Variants in RYR2 observed in about 807,000 individuals in gnomAD.
RYR2 encodes cardiac muscle ryanodine receptor-calcium release channel.
In RYR2, 227 loss-of-function variants were observed where a neutral mutation model predicts 601.1. The observed-to-expected ratio is 0.38, with a 90% CI of 0.34 to 0.42. The LOEUF is 0.42. Among genes scored for constraint, RYR2 ranks in the 10% least tolerant of loss-of-function variants. The pLI is 1.00. For synonymous variants in RYR2, 2,223 were observed against 2,175.1 expected (o/e 1.02, Z -0.61); for missense variants, 4,646 against 6,156.5 (o/e 0.75, Z 8.21).
intron 10 of RYR2, among the ~76,000 whole-genome samples, chr1:237,416,662 T>A (rs569279489): frequency 6.6e-6 from 1 of 151,968 alleles, no homozygotes; most frequent in South Asian, 2.1e-4. Context: ...TATTAAACTA[T>A]ACCTAAACTT....
intron 12 of RYR2, among the ~76,000 whole-genome samples, chr1:237,433,903 T>C (rs1051858484): frequency 3.3e-5 from 5 of 152,236 alleles, no homozygotes; most frequent in Admixed American, 3.3e-4. Context: ...ATCTTAGACC[T>C]GAGGTATACT....
intron 71 of RYR2, among the ~76,000 whole-genome samples, chr1:237,712,724 A>G (rs779474803): frequency 3.3e-5 from 5 of 152,206 alleles, no homozygotes; most frequent in Non-Finnish European, 7.3e-5. Flanking sequence ...CCAGGTTCTC[A>G]CACATGAAGT....
chr1:237,580,861 A>G (rs28588355), intron 29 of RYR2, among the ~76,000 whole-genome samples: 45,295 of 151,924 alleles, frequency 0.3, 7,186 homozygotes, highest in East Asian at 0.61. Flanking sequence ...GAAGGCTGCC[A>G]TCTACACACC....
intron 41 of RYR2, among the ~76,000 whole-genome samples, chr1:237,629,452 A>C (rs1303004487): frequency 6.6e-6 from 1 of 152,116 alleles, no homozygotes; most frequent in Non-Finnish European, 1.5e-5. Context: ...AAGCTCTATG[A>C]TGTTCATTAA....
intron 1 of RYR2, among the ~76,000 whole-genome samples, chr1:237,093,723 T>C (rs1057402719): frequency 6.6e-6 from 1 of 152,190 alleles, no homozygotes; most frequent in African/African-American, 2.4e-5. Flanking sequence ...GCTAGAGTAT[T>C]GGCAGGCGTG....
At chr1:237,553,841 A>G (rs1356309071) in intron 27 of RYR2, among the ~76,000 whole-genome samples, 1 of 151,978 alleles carries the variant, frequency 6.6e-6, no homozygotes, top group Non-Finnish European at 1.5e-5. Flanking sequence ...AATATGAGAT[A>G]TATAATTGAT....
intron 32 of RYR2, among the ~76,000 whole-genome samples, chr1:237,592,156 C>A (rs1675276501): frequency 6.6e-6 from 1 of 152,156 alleles, no homozygotes; most frequent in Non-Finnish European, 1.5e-5. Context: ...TGATTTTCTT[C>A]ATCTTACTGA....
chr1:237,127,668 C>T (rs933313923), intron 1 of RYR2, among the ~76,000 whole-genome samples: 30 of 147,360 alleles, frequency 2.0e-4, no homozygotes, highest in African/African-American at 4.5e-4. Context: ...ACTTCTCAGA[C>T]GGGGCGGCCG....
rs1458382114 is a variant in RYR2 at position 237,506,803 on chromosome 1, C to A, written c.2707C>A (p.Gln903Lys). ...TATGAATAAAATTGAGCTTGGCTGGCAGTATGGTCCGGTATGTAATTTTGA... is the reference window on the plus strand; with the variant it reads ...TATGAATAAAATTGAGCTTGGCTGGAAGTATGGTCCGGTATGTAATTTTGA... ...WVMNKIELGW[Q>K]YGPVRDDNKR... The change falls in exon 23 of 105, where the codon CAG becomes AAG. Residue 903 changes from glutamine to lysine, a missense_variant. Around this residue, in one of 17 missense-constraint regions of RYR2, gnomAD observed 1,807 missense variants for 2,088.1 expected, o/e 0.87. Coordinates refer to ENST00000366574, the MANE Select transcript of RYR2 (RefSeq NM_001035.3). 2 of 1,612,060 alleles carry A rather than the reference C, an allele frequency of 1.2e-6. No individual in the cohort carries two copies. The highest frequency in any genetic ancestry group is 4.5e-5 in the East Asian group (2 of 44,846).
At chr1:237,591,875 C>T (rs184523301) in intron 32 of RYR2, 22 bp downstream of exon 32, 20 of 1,565,628 alleles carry the variant, frequency 1.3e-5, no homozygotes, top group East Asian at 4.5e-5. Flanking sequence ...CAGCTTTTGT[C>T]GTTTATTTCT....
intron 2 of RYR2, among the ~76,000 whole-genome samples, chr1:237,300,422 C>T (rs997042983): frequency 2.6e-5 from 4 of 152,078 alleles, no homozygotes; most frequent in African/African-American, 9.7e-5. Flanking sequence ...GGGACTATAC[C>T]GTACTTCCTT....
At chr1:237,805,748 A>G (rs1660570053) in intron 98 of RYR2, among the ~76,000 whole-genome samples, 2 of 151,946 alleles carry the variant, frequency 1.3e-5, no homozygotes, top group Non-Finnish European at 2.9e-5. Flanking sequence ...GATCAGGGTA[A>G]TTAGTATATG....
chr1:237,346,305 G>A (rs954354974), intron 3 of RYR2, among the ~76,000 whole-genome samples: 12 of 147,398 alleles, frequency 8.1e-5, no homozygotes, highest in African/African-American at 3.0e-4. Flanking sequence ...GGAGGTCAAA[G>A]CTAAAGTGAG....
rs556744270 is a variant in RYR2, at chr1:237,130,462, C to T, written c.48+87893C>T. 8.5e-5 allele frequency among the ~76,000 whole-genome samples: 13 copies of T among 152,200 alleles called. No individual in the cohort carries two copies. The South Asian group carries it at 2.5e-3, about 29-fold the overall frequency. On this transcript the variant is annotated intron_variant, in intron 1 of 104. Coordinates refer to ENST00000366574, the MANE Select transcript of RYR2 (RefSeq NM_001035.3). Reference sequence around the variant, plus strand: ...GGCACGGTGATTCACACCTGTAATCCCAGTACTTTGGGAGGCTGAGGTAGG... The same window carrying T: ...GGCACGGTGATTCACACCTGTAATCTCAGTACTTTGGGAGGCTGAGGTAGG...
At chr1:237,526,982 G>A (rs775024832) in intron 24 of RYR2, among the ~76,000 whole-genome samples, 6 of 152,126 alleles carry the variant, frequency 3.9e-5, no homozygotes, top group Non-Finnish European at 7.3e-5. Flanking sequence ...TTTTGTACAT[G>A]GTGAGAGATA....
At chr1:237,769,577 T>A (rs1294092558) in intron 84 of RYR2, among the ~76,000 whole-genome samples, 1 of 152,184 alleles carries the variant, frequency 6.6e-6, no homozygotes, top group Non-Finnish European at 1.5e-5. Context: ...AACCCTACCA[T>A]TATATGAAGC....
chr1:237,698,871 C>T, intron 63 of RYR2, 94 bp from the exon 64 acceptor site: 1 of 657,918 alleles, frequency 1.5e-6, no homozygotes, highest in Non-Finnish European at 2.6e-6. Flanking sequence ...ACTGTTGTGT[C>T]ATTGACTAAT....
intron 84 of RYR2, among the ~76,000 whole-genome samples, chr1:237,768,490 C>T (rs755938569): frequency 3.3e-5 from 5 of 152,150 alleles, no homozygotes; most frequent in Admixed American, 6.5e-5. Flanking sequence ...TCTTAAGCCT[C>T]TTATAACAAT....
At position 237,247,421 on chromosome 1, in the gene RYR2, C is replaced by T. The variant is rs191355564; in HGVS notation, c.49-23076C>T. Among the ~76,000 whole-genome samples, 93 of 152,280 alleles carry T rather than the reference C, an allele frequency of 6.1e-4. 1 individual carries two copies. The highest frequency in any genetic ancestry group is 2.1e-3 in the Admixed American group (32 of 15,300). Reference sequence around the variant, plus strand: ...TGGAAAGATTCCTGTCAGGGCTAATCTTTAATAAGAGAGGCAGTTACAGTA... The same window carrying T: ...TGGAAAGATTCCTGTCAGGGCTAATTTTTAATAAGAGAGGCAGTTACAGTA... On this transcript the variant is annotated intron_variant, in intron 1 of 104. Coordinates refer to ENST00000366574, the MANE Select transcript of RYR2 (RefSeq NM_001035.3).
Sources: allele counts gnomAD v4.1 joint callset (sites outside exome capture counted in the v4.1 genomes callset), GRCh38; gene constraint gnomAD v4.1.1; regional missense constraint gnomAD v4.1.1; transcripts MANE v1.5; gene names NCBI Gene and HGNC (gene_info 2026-07-23, HGNC 2026-07-21).